Variants in DEPDC5 observed in about 807,000 individuals in gnomAD.
The protein encoded by DEPDC5 is GATOR1 complex protein DEPDC5.
A neutral mutation model predicts 217.3 loss-of-function variants in DEPDC5; 73 were observed. The observed-to-expected ratio is 0.34, with a 90% CI of 0.28 to 0.41. The LOEUF is 0.41. DEPDC5 is among the 10% of genes least tolerant of loss of function. The pLI is 1.00. For synonymous variants in DEPDC5, 733 were observed against 756.7 expected (o/e 0.97, Z 0.51); for missense variants, 1,675 against 2,070.1 (o/e 0.81, Z 3.70).
chr22:31,769,548 T>C (rs763661157), intron 7 of DEPDC5: 5 of 152,182 alleles, frequency 3.3e-5, no homozygotes, highest in Non-Finnish European at 5.9e-5. Flanking sequence ...ACTATATTGC[T>C]GTACTCTTGA....
intron 33 of DEPDC5, among the ~76,000 whole-genome samples, chr22:31,870,284 G>A (rs945263491): frequency 2.0e-5 from 3 of 152,112 alleles, no homozygotes; most frequent in African/African-American, 4.8e-5. Flanking sequence ...GTGCTGAAGC[G>A]ATTTCTTTGG....
intron 2 of DEPDC5, among the ~76,000 whole-genome samples, chr22:31,756,612 A>G (rs2081961494): frequency 6.6e-6 from 1 of 152,210 alleles, no homozygotes; most frequent in South Asian, 2.1e-4. Context: ...AGTCTTCTGC[A>G]AGACTATAGG....
intron 26 of DEPDC5, 85 bp from the exon 27 acceptor site, chr22:31,838,600 G>A: frequency 1.3e-6 from 2 of 1,539,526 alleles, no homozygotes; most frequent in Non-Finnish European, 1.8e-6. Context: ...AGGGGATGAA[G>A]CAAAGGAGAT....
At chr22:31,815,766 A>ACCAAATCTGAT in intron 21 of DEPDC5, 1 of 1,205,516 alleles carries the variant, frequency 8.3e-7, no homozygotes. Context: ...CCTGGACTCG[A>ACCAAATCTGAT]GGGATCCACC....
chr22:31,770,547 ATTTTTTT>A (rs34409975), intron 7 of DEPDC5, among the ~76,000 whole-genome samples: 3 of 133,464 alleles, frequency 2.2e-5, no homozygotes, highest in Admixed American at 7.7e-5. Flanking sequence ...CACGTAGCTA[ATTTTTTT>A]TTTTTTTTTT....
In DEPDC5 at chr22:31,859,536, C is replaced by T. The variant is rs146270475; in HGVS notation, c.3265-1832C>T. ...CCTCCCCAGTAGCTGGGATTACAGG[C>T]GTGCACCACCATGGCCAGCTAATTT... is the stretch of plus-strand genomic sequence containing the variant. On this transcript the variant is annotated intron_variant, in intron 32 of 42. Coordinates refer to ENST00000651528, the MANE Select transcript of DEPDC5 (RefSeq NM_001242896.3). Among the ~76,000 whole-genome samples, 387 of 152,168 alleles carry T rather than the reference C, an allele frequency of 2.5e-3. 1 individual carries two copies. The highest frequency in any genetic ancestry group is 8.8e-3 in the African/African-American group (366 of 41,510).
At chr22:31,771,411 C>G (rs2083341407) in intron 7 of DEPDC5, among the ~76,000 whole-genome samples, 2 of 152,050 alleles carry the variant, frequency 1.3e-5, no homozygotes, top group African/African-American at 4.8e-5. Context: ...ATAGTAAGAC[C>G]TCATCTCTAC....
intron 38 of DEPDC5, among the ~76,000 whole-genome samples, chr22:31,889,858 C>T (rs1602790112): frequency 1.3e-5 from 2 of 152,082 alleles, no homozygotes; most frequent in East Asian, 3.9e-4. Flanking sequence ...AAGGGTTATT[C>T]TGGCAGTATC....
intron 4 of DEPDC5, among the ~76,000 whole-genome samples, chr22:31,762,184 G>T (rs903342490): frequency 6.6e-6 from 1 of 151,946 alleles, no homozygotes; most frequent in African/African-American, 2.4e-5. Context: ...ATTGATGATC[G>T]CCCACCACAT....
At chr22:31,895,774 CTCTG>C (rs1569228846) in intron 39 of DEPDC5, among the ~76,000 whole-genome samples, 1 of 151,498 alleles carries the variant, frequency 6.6e-6, no homozygotes, top group Non-Finnish European at 1.5e-5. Flanking sequence ...TTTTCCAGGT[CTCTG>C]TCTGCCTCCA....
At chr22:31,865,704 G>A (rs573901842) in intron 33 of DEPDC5, among the ~76,000 whole-genome samples, 1 of 152,284 alleles carries the variant, frequency 6.6e-6, no homozygotes, top group South Asian at 2.1e-4. Flanking sequence ...GAATATTAAT[G>A]CCTGTCTTTG....
At chr22:31,796,034 A>G (rs190303078) in intron 12 of DEPDC5, among the ~76,000 whole-genome samples, 59 of 150,352 alleles carry the variant, frequency 3.9e-4, no homozygotes, top group Non-Finnish European at 4.6e-4. Context: ...CCGGCCATAA[A>G]CCTTCATTTT....
chr22:31,854,597 G>C (rs543206766), intron 31 of DEPDC5, among the ~76,000 whole-genome samples: 4 of 152,304 alleles, frequency 2.6e-5, no homozygotes, highest in African/African-American at 9.6e-5. Flanking sequence ...TGAATGAATG[G>C]ATCTAGCAAA....
chr22:31,903,027 T>G (rs2093677870), intron 41 of DEPDC5, among the ~76,000 whole-genome samples: 1 of 151,914 alleles, frequency 6.6e-6, no homozygotes, highest in African/African-American at 2.4e-5. Flanking sequence ...CAGGAACTAT[T>G]GTACTTTCCT....
chr22:31,879,043 A>AAAAAAAAAAAAAAT (rs763615141), intron 37 of DEPDC5, among the ~76,000 whole-genome samples: 2 of 119,476 alleles, frequency 1.7e-5, no homozygotes, highest in African/African-American at 3.1e-5. Context: ...AAAAAAAAAA[A>AAAAAAAAAAAAAAT]ATATATATAT....
intron 33 of DEPDC5, among the ~76,000 whole-genome samples, chr22:31,862,658 C>T (rs868519071): frequency 2.4e-4 from 36 of 152,156 alleles, no homozygotes; most frequent in African/African-American, 8.2e-4. Context: ...AGTGACTGAG[C>T]TCTTATATCA....
intron 38 of DEPDC5, among the ~76,000 whole-genome samples, chr22:31,880,969 C>T (rs567482205): frequency 7.6e-4 from 115 of 150,502 alleles, no homozygotes; most frequent in African/African-American, 2.4e-3. Context: ...GAGCCGAGAT[C>T]GCGCCACTGT....
At chr22:31,804,731 C>T (rs377672646) in intron 16 of DEPDC5, 111 bp from the exon 17 acceptor site, 23 of 1,033,768 alleles carry the variant, frequency 2.2e-5, no homozygotes, top group South Asian at 8.9e-5. Flanking sequence ...TGACCCACAG[C>T]GCCCAGCCCT....
intron 8 of DEPDC5, among the ~76,000 whole-genome samples, chr22:31,782,396 C>T (rs751035403): frequency 1.3e-5 from 2 of 152,164 alleles, no homozygotes; most frequent in African/African-American, 2.4e-5. Flanking sequence ...CTCAGCCTCC[C>T]AAAGTGCTGG....
Sources: gnomAD v4.1 joint callset for allele counts (sites outside exome capture counted in the v4.1 genomes callset) on GRCh38, gnomAD v4.1.1 for gene constraint, MANE v1.5 for transcripts, NCBI Gene and HGNC (gene_info 2026-07-23, HGNC 2026-07-21) for gene names.